FASTKD2: variants seen among roughly 807,000 people sequenced by gnomAD.
FASTKD2 encodes FAST kinase domain-containing protein 2, mitochondrial.
FASTKD2 carries 51 observed loss-of-function variants against 63.6 expected under a neutral mutation model. The ratio of observed to expected loss-of-function variants is 0.80; its 90% CI spans 0.64 to 1.01. FASTKD2 has a LOEUF of 1.01. Among genes scored for constraint, FASTKD2 ranks in the 50% least tolerant of loss-of-function variants. The probability of loss-of-function intolerance (pLI) is 0.00; values close to 1 mark genes in which losing one functional copy is unlikely to be tolerated. For synonymous variants in FASTKD2, 284 were observed against 293.4 expected (o/e 0.97, Z 0.33); for missense variants, 786 against 831.1 (o/e 0.95, Z 0.67).
intron 7 of FASTKD2, among the ~76,000 whole-genome samples, chr2:206,778,842 G>A (rs1419707482): frequency 1.3e-5 from 2 of 152,094 alleles, no homozygotes; most frequent in Non-Finnish European, 2.9e-5. Context: ...AACTGTGCAT[G>A]TGAAGGCTCT....
intron 7 of FASTKD2, 99 bp downstream of exon 7, chr2:206,774,496 A>G (rs943303485): frequency 2.6e-6 from 2 of 776,178 alleles, no homozygotes; most frequent in Non-Finnish European, 4.3e-6. Flanking sequence ...GAACACACCC[A>G]TAGTCATCAT....
In FASTKD2 at chr2:206,766,756, G is replaced by C. The variant is rs201816518; in HGVS notation, c.63G>C (p.Ala21=). The change falls in exon 2 of 12, where the codon GCG becomes GCC. Residue 21 remains alanine, a synonymous_variant. Coordinates refer to ENST00000402774, the MANE Select transcript of FASTKD2 (RefSeq NM_001136193.2). ...VSVESKMNNK[A]GSFFWNLRQF... is the part of the protein sequence containing the mutation. ...TGGAGAGCAAAATGAATAACAAAGC[G>C]GGCTCCTTTTTCTGGAACCTTAGAC... is the stretch of plus-strand genomic sequence containing the variant. 1 of 1,613,854 alleles carries C rather than the reference G, an allele frequency of 6.2e-7. No individual in the cohort carries two copies. The highest frequency in any genetic ancestry group is 8.5e-7 in the Non-Finnish European group (1 of 1,179,942).
intron 8 of FASTKD2, among the ~76,000 whole-genome samples, chr2:206,787,391 C>G (rs975248101): frequency 3.3e-5 from 5 of 152,114 alleles, no homozygotes; most frequent in Non-Finnish European, 7.3e-5. Flanking sequence ...TAACTGTTGA[C>G]TTTTAGTCTT....
intron 6 of FASTKD2, among the ~76,000 whole-genome samples, chr2:206,773,561 A>G (rs1381213292): frequency 6.6e-6 from 1 of 152,166 alleles, no homozygotes; most frequent in Non-Finnish European, 1.5e-5. Flanking sequence ...CACCTGGTAA[A>G]AACTTCTTTT....
chr2:206,766,549 G>T, intron 1 of FASTKD2, 95 bp from the exon 2 acceptor site: 1 of 747,040 alleles, frequency 1.3e-6, no homozygotes, highest in South Asian at 1.7e-5. Context: ...TGGCTCCATA[G>T]GTTCCCCATT....
Position 206,772,234 on chromosome 2 carries a change from A to G in FASTKD2, c.1168A>G (p.Lys390Glu). 1 of 1,613,382 alleles carries G rather than the reference A, an allele frequency of 6.2e-7. No homozygotes were observed. Among genetic ancestry groups the G allele is most frequent in the Non-Finnish European group, 8.5e-7 (1 of 1,179,282 alleles). The change falls in exon 6 of 12, where the codon AAA (lysine) becomes GAA (glutamate). Residue 390 changes from lysine to glutamate, a missense_variant. By Grantham distance (56) the Lys-to-Glu change is moderately conservative. Coordinates refer to ENST00000402774, the MANE Select transcript of FASTKD2 (RefSeq NM_001136193.2). ...RIMINILQSC[K>E]DLQYHNLDLF... ...AATGATCAACATATTGCAGTCCTGC[A>G]AAGACCTCCAGTACCATAATTTGGA...
intron 7 of FASTKD2, among the ~76,000 whole-genome samples, chr2:206,775,535 A>C (rs1038983717): frequency 1.3e-5 from 2 of 151,840 alleles, no homozygotes; most frequent in Admixed American, 1.3e-4. Flanking sequence ...TTTTGCATCA[A>C]TCTTCATCAG....
Position 206,791,952 on chromosome 2 carries a change from ATGT to A in FASTKD2, c.*155_*157del, listed in dbSNP as rs1690298308. ...AAAATTAATTTTAGGAGTGGAAGAA[ATGT>A]TGTTACTGCCATTTAAAAATATGCT... On this transcript the variant is annotated 3_prime_UTR_variant, in exon 12 of 12. Coordinates refer to ENST00000402774, the MANE Select transcript of FASTKD2 (RefSeq NM_001136193.2). 2 of 694,272 alleles carry A rather than the reference ATGT, an allele frequency of 2.9e-6. No individual in the cohort carries two copies. The highest frequency in any genetic ancestry group is 2.7e-5 in the East Asian group (1 of 36,494). 43.0% of individuals were successfully genotyped at this position (694,272 alleles called of 1,614,324 possible).
rs1689510288 is a variant in FASTKD2, at chr2:206,766,945, T to A, written c.252T>A (p.Phe84Leu). 6.2e-7 allele frequency: 1 copy of A among 1,605,168 alleles called. No homozygotes were observed. The highest frequency in any genetic ancestry group is 1.7e-5 in the Admixed American group (1 of 59,202). ...IRYLFQDAFI[F>L]KSDVGFQTKG... Reference sequence around the variant, plus strand: ...ATCTCTTTCAGGATGCATTCATTTTTAAATCAGATGTTGGCTTTCAAACAA... The same window carrying A: ...ATCTCTTTCAGGATGCATTCATTTTAAAATCAGATGTTGGCTTTCAAACAA... The change falls in exon 2 of 12, where the codon TTT becomes TTA. Residue 84 changes from phenylalanine (F) to leucine (L), a missense_variant. Physicochemically the swap from Phe to Leu is conservative, Grantham distance 22. Transcript: ENST00000402774.
chr2:206,788,692 A>G lies in FASTKD2; in HGVS notation c.1814-127A>G, dbSNP rs181859685. The G allele has an allele frequency of 8.4e-4, 541 of 642,936 alleles. 5 individuals are homozygous for G. In the African/African-American group the frequency reaches 8.5e-3, roughly 10 times the overall value. 39.8% of individuals were successfully genotyped at this position (642,936 alleles called of 1,614,324 possible). A position where few individuals can be genotyped will look rare whatever the true frequency, so the allele number is the denominator to read the frequency against. On this transcript the variant is annotated intron_variant, in intron 9 of 11. Transcript: ENST00000402774. ...TGCTGCAGTGAGCTGAGATCACACT[A>G]CTGCACTCCAGCCTGGATGACAGAG...
chr2:206,790,768 G>T, intron 11 of FASTKD2, 82 bp downstream of exon 11: 1 of 844,086 alleles, frequency 1.2e-6, no homozygotes, highest in East Asian at 2.4e-5. Context: ...GGTTGAGACT[G>T]GTTACTAGGA....
chr2:206,766,593 G>A (rs1375871136), intron 1 of FASTKD2, 51 bp from the exon 2 acceptor site: 2 of 1,027,930 alleles, frequency 1.9e-6, no homozygotes, highest in Non-Finnish European at 3.0e-6. Context: ...ATTTCTTTAA[G>A]TAAAAGTTTT....
rs771715271 is a variant in FASTKD2, at chr2:206,786,839, C to T, written c.1534C>T (p.Pro512Ser). 2 of 1,613,632 alleles carry T rather than the reference C, an allele frequency of 1.2e-6. No individual in the cohort carries two copies. Among genetic ancestry groups the T allele is most frequent in the South Asian group, 2.2e-5 (2 of 91,052 alleles). Residue 512 changes from proline to serine, a missense_variant, in exon 8 of 12, where the codon CCC (proline) becomes TCC (serine). Pro to Ser is a moderately conservative substitution (Grantham distance 74, BLOSUM62 -1). Coordinates refer to ENST00000402774, the MANE Select transcript of FASTKD2 (RefSeq NM_001136193.2). ...VYSFCLMNYF[P>S]LAPFNQLLQK... ...TTCATTTTGCTTGATGAATTACTTTCCCCTGGCTCCTTTTAATCAGCTTCT... is the reference window on the plus strand; with the variant it reads ...TTCATTTTGCTTGATGAATTACTTTTCCCTGGCTCCTTTTAATCAGCTTCT...
In FASTKD2 at chr2:206,794,239, C is replaced by T. The variant is rs1690380053; in HGVS notation, c.*2437C>T. On this transcript the variant is annotated 3_prime_UTR_variant, in exon 12 of 12. Coordinates refer to ENST00000402774, the MANE Select transcript of FASTKD2 (RefSeq NM_001136193.2). ...CCCCTAAACAACCACTGATCTATGG[C>T]ACACATAGAAAAAAATTAGGAAATA... is the stretch of plus-strand genomic sequence containing the variant. Among the ~76,000 whole-genome samples, 1 of 151,984 alleles carries T rather than the reference C, an allele frequency of 6.6e-6. No individual in the cohort carries two copies. Among genetic ancestry groups the T allele is most frequent in the Non-Finnish European group, 1.5e-5 (1 of 67,988 alleles).
chr2:206,790,732 A>G, intron 11 of FASTKD2, 46 bp downstream of exon 11: 1 of 1,096,738 alleles, frequency 9.1e-7, no homozygotes, highest in Admixed American at 1.7e-5. Flanking sequence ...ACTGATGTAC[A>G]TTCTAACAGC....
chr2:206,772,370 A>T, intron 6 of FASTKD2, 50 bp downstream of exon 6: 16 of 1,517,776 alleles, frequency 1.1e-5, no homozygotes, highest in Non-Finnish European at 1.4e-5. Flanking sequence ...TTAAAACACT[A>T]ATTCATGTAG....
chr2:206,788,146 T>C lies in FASTKD2; in HGVS notation c.1804T>C (p.Tyr602His). 6.3e-7 allele frequency: 1 copy of C among 1,589,580 alleles called. No homozygotes were observed. Residue 602 changes from tyrosine (Y) to histidine (H), a missense_variant, in exon 9 of 12, where the codon TAT becomes CAT. Coordinates refer to ENST00000402774, the MANE Select transcript of FASTKD2 (RefSeq NM_001136193.2). ...AAAGGATGTGCACTTGCCACACAAT[T>C]ATCATATTGGTATGGGACATTATAT... ...FSKDVHLPHNYHIDFEIRMDT... is the reference protein window; with the variant it reads ...FSKDVHLPHNHHIDFEIRMDT...
chr2:206,771,777 C>T (rs1232701825), intron 4 of FASTKD2, 117 bp from the exon 5 acceptor site: 7 of 776,680 alleles, frequency 9.0e-6, no homozygotes, highest in African/African-American at 1.7e-5. Context: ...TCACTTGAGC[C>T]TGGGAGGTTG....
chr2:206,776,900 T>C (rs1469747570), intron 7 of FASTKD2, among the ~76,000 whole-genome samples: 3 of 152,116 alleles, frequency 2.0e-5, no homozygotes, highest in African/African-American at 7.2e-5. Flanking sequence ...ATGGACATTT[T>C]AACAGGATTA....
Sources: gnomAD v4.1 joint callset for allele counts (sites outside exome capture counted in the v4.1 genomes callset) on GRCh38, gnomAD v4.1.1 for gene constraint, MANE v1.5 for transcripts, NCBI Gene and HGNC (gene_info 2026-07-23, HGNC 2026-07-21) for gene names.